TNS3: variants seen among roughly 807,000 people sequenced by gnomAD.
TNS3 encodes tensin-3.
Under a neutral mutation model 140.9 loss-of-function variants are expected in TNS3, and 45 were observed. That is an observed-to-expected ratio of 0.32 (90% CI 0.25 to 0.41). The LOEUF (loss-of-function observed/expected upper bound fraction) is 0.41. Among genes scored for constraint, TNS3 ranks in the 10% least tolerant of loss-of-function variants. The pLI is 1.00. For synonymous variants in TNS3, 815 were observed against 788.4 expected (o/e 1.03, Z -0.56); for missense variants, 1,716 against 1,906.7 (o/e 0.90, Z 1.86).
At chr7:47,568,176 C>A (rs545444113) in intron 1 of TNS3, among the ~76,000 whole-genome samples, 1 of 152,178 alleles carries the variant, frequency 6.6e-6, no homozygotes, top group Non-Finnish European at 1.5e-5. Flanking sequence ...AAACACTAAG[C>A]CTTGGACTCC....
intron 28 of TNS3, 142 bp from the exon 29 acceptor site, chr7:47,280,496 G>T: frequency 1.3e-6 from 1 of 787,036 alleles, no homozygotes; most frequent in Non-Finnish European, 2.2e-6. Flanking sequence ...TTGGAGAGAA[G>T]AAAGTGCGTG....
rs567991965 is a variant in TNS3 at position 47,572,196 on chromosome 7, G to A, written c.-265+9855C>T. Among the ~76,000 whole-genome samples the A allele has an allele frequency of 1.5e-4, 23 of 152,354 alleles. 1 individual carries two copies. In the East Asian group the frequency reaches 2.7e-3, roughly 18 times the overall value. On this transcript the variant is annotated intron_variant, in intron 1 of 30. Transcript: ENST00000311160. ...TTTACTCACAAATAGCCCGGCAGCC[G>A]AGGGACCATTTGGAGTAAGGCCATC...
At chr7:47,471,630 T>C (rs1796957545) in intron 4 of TNS3, among the ~76,000 whole-genome samples, 1 of 152,314 alleles carries the variant, frequency 6.6e-6, no homozygotes, top group Non-Finnish European at 1.5e-5. Context: ...TTAAACACGT[T>C]CCACTAACAT....
intron 4 of TNS3, among the ~76,000 whole-genome samples, chr7:47,479,018 A>AC (rs1336167224): frequency 6.6e-6 from 1 of 152,146 alleles, no homozygotes; most frequent in Admixed American, 6.5e-5. Flanking sequence ...TCTCTTAGCA[A>AC]CCACACCTGT....
chr7:47,368,795 T>A lies in TNS3; in HGVS notation c.1851A>T (p.Ala617=), dbSNP rs1562646888. 6.2e-7 allele frequency: 1 copy of A among 1,606,984 alleles called. No individual in the cohort carries two copies. The highest frequency in any genetic ancestry group is 2.2e-5 in the East Asian group (1 of 44,826). The part of the protein sequence containing the change: ...GEARLVSRCP[A]DNPGLVQAQP... Reference sequence around the variant, plus strand: ...GGGCCTGGACGAGGCCAGGATTGTCTGCAGGGCAGCGGCTCACCAGCCGGG... The same window carrying A: ...GGGCCTGGACGAGGCCAGGATTGTCAGCAGGGCAGCGGCTCACCAGCCGGG... Residue 617 remains alanine (A), a synonymous_variant, in exon 17 of 31, where the codon GCA becomes GCT. Coordinates refer to ENST00000311160, the MANE Select transcript of TNS3 (RefSeq NM_022748.12).
intron 3 of TNS3, among the ~76,000 whole-genome samples, chr7:47,501,781 T>G (rs1584780443): frequency 6.6e-6 from 1 of 151,308 alleles, no homozygotes; most frequent in Admixed American, 6.6e-5. Context: ...GGACTGGGAG[T>G]CTCGGACAAG....
intron 1 of TNS3, chr7:47,539,376 A>C: frequency 3.0e-6 from 1 of 329,868 alleles, no homozygotes; most frequent in Non-Finnish European, 6.0e-6. Flanking sequence ...CGTGTGATAA[A>C]CCTCCCCAGT....
At chr7:47,357,416 G>A (rs1790056059) in intron 17 of TNS3, among the ~76,000 whole-genome samples, 1 of 152,144 alleles carries the variant, frequency 6.6e-6, no homozygotes, top group Admixed American at 6.5e-5. Context: ...GAGACAGTGT[G>A]TAAAAGGAGG....
intron 20 of TNS3, among the ~76,000 whole-genome samples, chr7:47,325,505 A>G (rs1239723522): frequency 6.6e-6 from 1 of 152,162 alleles, no homozygotes; most frequent in Non-Finnish European, 1.5e-5. Context: ...TTGACATTCC[A>G]GTGATTTCTT....
intron 20 of TNS3, among the ~76,000 whole-genome samples, chr7:47,324,071 CTA>C (rs1390198694): frequency 6.6e-6 from 1 of 152,228 alleles, no homozygotes; most frequent in Admixed American, 6.5e-5. Flanking sequence ...AACCTCAGCT[CTA>C]TTTATGAGGC....
intron 1 of TNS3, among the ~76,000 whole-genome samples, chr7:47,565,228 C>A (rs747216056): frequency 1.3e-5 from 2 of 151,926 alleles, no homozygotes; most frequent in Non-Finnish European, 2.9e-5. Context: ...CAGGCGCCCA[C>A]CACCAAGCCC....
intron 15 of TNS3, 149 bp downstream of exon 15, chr7:47,400,244 T>C (rs1177107655): frequency 2.8e-6 from 2 of 711,322 alleles, no homozygotes; most frequent in Admixed American, 2.8e-5. Flanking sequence ...TGTTCCACTA[T>C]CCAATATCCT....
chr7:47,452,528 T>G (rs1225380976), intron 4 of TNS3, among the ~76,000 whole-genome samples: 2 of 152,222 alleles, frequency 1.3e-5, no homozygotes, highest in Non-Finnish European at 2.9e-5. Flanking sequence ...TCTCTATTTA[T>G]TTGTAACGAA....
At chr7:47,574,242 C>CT (rs570898349) in intron 1 of TNS3, among the ~76,000 whole-genome samples, 1,900 of 149,438 alleles carry the variant, frequency 0.013, 41 homozygotes, top group African/African-American at 0.044. Flanking sequence ...CCCGAAGGCT[C>CT]TTTTTTTTTT....
rs372304857 is a variant in TNS3, at chr7:47,318,106, A to C, written c.2651-13103T>G. Among the ~76,000 whole-genome samples, 54 of 152,246 alleles carry C rather than the reference A, an allele frequency of 3.5e-4. 1 individual carries two copies. The highest frequency in any genetic ancestry group is 1.2e-3 in the African/African-American group (51 of 41,538). On this transcript the variant is annotated intron_variant, in intron 20 of 30. Transcript: ENST00000311160. ...TGAAATAATTTCCTATCCTCCACCC[A>C]AGTCCCCACCATCCCACTTTCTGTA...
intron 1 of TNS3, among the ~76,000 whole-genome samples, chr7:47,531,151 G>A (rs1470066512): frequency 2.0e-5 from 3 of 151,684 alleles, no homozygotes; most frequent in Non-Finnish European, 2.9e-5. Flanking sequence ...ACTACCTATC[G>A]AGTACTACGC....
At chr7:47,318,857 T>C (rs370333634) in intron 20 of TNS3, among the ~76,000 whole-genome samples, 1 of 152,178 alleles carries the variant, frequency 6.6e-6, no homozygotes, top group Non-Finnish European at 1.5e-5. Context: ...CCTAAGATGC[T>C]TGGTTCCAAG....
At chr7:47,562,931 A>T (rs1239043543) in intron 1 of TNS3, among the ~76,000 whole-genome samples, 2 of 152,112 alleles carry the variant, frequency 1.3e-5, no homozygotes, top group African/African-American at 4.8e-5. Flanking sequence ...GGACAACTCC[A>T]TGAGTGCCTG....
At chr7:47,481,179 C>T (rs1166048647) in intron 3 of TNS3, 38 bp from the exon 4 acceptor site, 1 of 1,287,200 alleles carries the variant, frequency 7.8e-7, no homozygotes, top group South Asian at 1.2e-5. Flanking sequence ...CAAATGGATT[C>T]TCCAGGAAAA....
Sources: gnomAD v4.1 joint callset for allele counts (sites outside exome capture counted in the v4.1 genomes callset) on GRCh38, gnomAD v4.1.1 for gene constraint, MANE v1.5 for transcripts, NCBI Gene and HGNC (gene_info 2026-07-23, HGNC 2026-07-21) for gene names.